The following GAL3ST3 variants were observed in gnomAD, a reference collection of about 807,000 sequenced individuals.
GAL3ST3 encodes the protein beta-galactose-3-O-sulfotransferase 3.
GAL3ST3 carries 21 observed loss-of-function variants against 20.8 expected under a neutral mutation model. The observed-to-expected ratio is 1.01, with a 90% CI of 0.72 to 1.45. GAL3ST3 has a LOEUF of 1.45. Ranked by LOEUF, GAL3ST3 falls within the 40% of genes most tolerant of loss-of-function variation. GAL3ST3 has a pLI of 0.00. For synonymous variants in GAL3ST3, 355 were observed against 307.2 expected (o/e 1.16, Z -1.63); for missense variants, 739 against 662.7 (o/e 1.12, Z -1.26).
Position 66,042,827 on chromosome 11 carries a change from C to G in GAL3ST3, c.976G>C (p.Glu326Gln), listed in dbSNP as rs1344824894. 36 of 1,369,834 alleles carry G rather than the reference C, an allele frequency of 2.6e-5. No homozygotes were observed. The highest frequency in any genetic ancestry group is 3.1e-5 in the African/African-American group (2 of 63,850). The allele number at this position is 1,369,834 out of a possible 1,614,324, so 84.9% of individuals were successfully genotyped here. ...CGCCGCAGTAGGCGCTGGCGGGCCT[C>G]GCGCAGCTCGCGCGCCTCGCGCTCC... is the stretch of plus-strand genomic sequence containing the variant. ...CVEREARELREARQRLLRRCF... is the reference protein window; with the variant it reads ...CVEREARELRQARQRLLRRCF... Residue 326 changes from glutamate (E) to glutamine (Q), a missense_variant, in exon 3 of 3, where the codon GAG (glutamate) becomes CAG (glutamine). By Grantham distance (29) the Glu-to-Gln change is conservative. Transcript: ENST00000312006.
chr11:66,043,784 G>T, intron 2 of GAL3ST3, 107 bp from the exon 3 acceptor site: 1 of 1,015,398 alleles, frequency 9.8e-7, no homozygotes, highest in Non-Finnish European at 1.4e-6. Flanking sequence ...GCCCCGCCTG[G>T]GCTGCACTCA....
At chr11:66,047,231 T>A (rs1565082197) in intron 1 of GAL3ST3, among the ~76,000 whole-genome samples, 1 of 152,180 alleles carries the variant, frequency 6.6e-6, no homozygotes, top group African/African-American at 2.4e-5. Flanking sequence ...CCTCTAAGGA[T>A]ACACACCTTT....
In GAL3ST3 at chr11:66,043,140, G is replaced by T; in HGVS notation, c.663C>A (p.Ala221=). The change falls in exon 3 of 3, where the codon GCC becomes GCA. Residue 221 remains alanine, a synonymous_variant. Coordinates refer to ENST00000312006, the MANE Select transcript of GAL3ST3 (RefSeq NM_033036.3). ...GDNERSPRDD[A]AYLAGLIRQV... ...GGCGGATGAGGCCCGCCAGGTAGGCGGCGTCGTCGCGCGGGCTGCGCTCAT... is the reference window on the plus strand; with the variant it reads ...GGCGGATGAGGCCCGCCAGGTAGGCTGCGTCGTCGCGCGGGCTGCGCTCAT... The T allele has an allele frequency of 6.2e-7, 1 of 1,611,658 alleles. No homozygotes were observed. Among genetic ancestry groups the T allele is most frequent in the Non-Finnish European group, 8.5e-7 (1 of 1,179,260 alleles).
At position 66,042,493 on chromosome 11, in the gene GAL3ST3, G is replaced by A. The variant is rs1856715723; in HGVS notation, c.*14C>T. ...GGGCAGGGCAGGACCCATACTCCTGGAGGCCTGCGGAGCTCAGGGACCTTG... is the reference window on the plus strand; with the variant it reads ...GGGCAGGGCAGGACCCATACTCCTGAAGGCCTGCGGAGCTCAGGGACCTTG... On this transcript the variant is annotated 3_prime_UTR_variant, in exon 3 of 3. Transcript: ENST00000312006. 1 of 1,452,704 alleles carries A rather than the reference G, an allele frequency of 6.9e-7. No individual in the cohort carries two copies. Among genetic ancestry groups the A allele is most frequent in the South Asian group, 1.4e-5 (1 of 69,646 alleles). 90.0% of individuals were successfully genotyped at this position (1,452,704 alleles called of 1,614,324 possible).
At position 66,043,363 on chromosome 11, in the gene GAL3ST3, T is replaced by A. The variant is rs200319398; in HGVS notation, c.440A>T (p.Tyr147Phe). The stretch of plus-strand genomic sequence containing the variant: ...GGCCGGCTCGCGCAGGATGGTGACA[T>A]AGACGGTGCTGGGCGGCATGAGGCG... ...LERLMPPSTV[Y>F]VTILREPAAM... The change falls in exon 3 of 3, where the codon TAT becomes TTT. Residue 147 changes from tyrosine to phenylalanine, a missense_variant. Physicochemically the swap from Tyr to Phe is conservative, Grantham distance 22 (BLOSUM62 3). Transcript: ENST00000312006. 1 of 1,610,152 alleles carries A rather than the reference T, an allele frequency of 6.2e-7. No individual in the cohort carries two copies. Among genetic ancestry groups the A allele is most frequent in the Non-Finnish European group, 8.5e-7 (1 of 1,178,616 alleles).
Position 66,045,446 on chromosome 11 carries a change from G to A in GAL3ST3, c.-31C>T. 1.3e-6 allele frequency: 2 copies of A among 1,560,136 alleles called. No individual in the cohort carries two copies. Among genetic ancestry groups the A allele is most frequent in the Non-Finnish European group, 1.7e-6 (2 of 1,152,798 alleles). Reference sequence around the variant, plus strand: ...AGTACCCACCCCTGGACCAGCCAGGGCCTCACTATCCAGGACTCCCTTCAC... The same window carrying A: ...AGTACCCACCCCTGGACCAGCCAGGACCTCACTATCCAGGACTCCCTTCAC... On this transcript the variant is annotated 5_prime_UTR_variant, in exon 2 of 3. Coordinates refer to ENST00000312006, the MANE Select transcript of GAL3ST3 (RefSeq NM_033036.3).
In GAL3ST3 at chr11:66,045,285, C is replaced by T. The variant is rs1856769834; in HGVS notation, c.125+6G>A. 2 of 1,550,624 alleles carry T rather than the reference C, an allele frequency of 1.3e-6. No individual in the cohort carries two copies. The highest frequency in any genetic ancestry group is 1.7e-6 in the Non-Finnish European group (2 of 1,148,088). On this transcript the variant is annotated splice_donor_region_variant and intron_variant, in intron 2 of 2. Transcript: ENST00000312006. The stretch of plus-strand genomic sequence containing the variant: ...CTCCGGCCCCCCTGGGGCCCCGCCC[C>T]CTTACCAGCTGAGCTGCGCCCCCTG...
chr11:66,043,756 G>T, intron 2 of GAL3ST3, 79 bp from the exon 3 acceptor site: 1 of 1,334,616 alleles, frequency 7.5e-7, no homozygotes, highest in East Asian at 2.5e-5. Flanking sequence ...CAAGGACTGT[G>T]GGATGCCCCA....
In GAL3ST3 at chr11:66,042,775, C is replaced by A. The variant is rs1253031284; in HGVS notation, c.1028G>T (p.Arg343Leu). 3.3e-6 allele frequency: 5 copies of A among 1,507,562 alleles called. No individual in the cohort carries two copies. The highest frequency in any genetic ancestry group is 2.6e-5 in the East Asian group (1 of 38,914). The allele number at this position is 1,507,562 out of a possible 1,614,324, so 93.4% of individuals were successfully genotyped here. ...RRCFGDEPLLRPAAQIRTKQL... is the reference protein window; with the variant it reads ...RRCFGDEPLLLPAAQIRTKQL... ...CTTGGTGCGGATCTGCGCGGCAGGC[C>A]GCAGCAGTGGCTCGTCCCCGAAGCA... The change falls in exon 3 of 3, where the codon CGG (arginine) becomes CTG (leucine). Residue 343 changes from arginine to leucine, a missense_variant. By Grantham distance (102) the Arg-to-Leu change is moderately radical. Transcript: ENST00000312006.
intron 1 of GAL3ST3, among the ~76,000 whole-genome samples, chr11:66,047,798 T>A (rs1856797535): frequency 6.6e-6 from 1 of 152,202 alleles, no homozygotes; most frequent in African/African-American, 2.4e-5. Flanking sequence ...CTCTTGGTAG[T>A]GCTGCCCTCC....
chr11:66,043,404 G>T lies in GAL3ST3; in HGVS notation c.399C>A (p.Asp133Glu). ...GCATGAGGCGCTCCAGCTCCGCACG[G>T]TCGAAGCGCAGGTGGCTGGCCAGCA... ...PHVLASHLRFDRAELERLMPP... is the reference protein window; with the variant it reads ...PHVLASHLRFERAELERLMPP... Residue 133 changes from aspartate to glutamate, a missense_variant, in exon 3 of 3, where the codon GAC (aspartate) becomes GAA (glutamate). Coordinates refer to ENST00000312006, the MANE Select transcript of GAL3ST3 (RefSeq NM_033036.3). 6.2e-7 allele frequency: 1 copy of T among 1,610,124 alleles called. No homozygotes were observed. The highest frequency in any genetic ancestry group is 8.5e-7 in the Non-Finnish European group (1 of 1,178,580).
chr11:66,041,454 A>G lies in GAL3ST3; in HGVS notation c.*1053T>C, dbSNP rs764742265. On this transcript the variant is annotated 3_prime_UTR_variant, in exon 3 of 3. Coordinates refer to ENST00000312006, the MANE Select transcript of GAL3ST3 (RefSeq NM_033036.3). ...AGGGACTGGTCTTCATCTGAGTCCA[A>G]GTTGTCTTCTTGTGAGGAAAGCAGG... Among the ~76,000 whole-genome samples, 11 of 152,182 alleles carry G rather than the reference A, an allele frequency of 7.2e-5. No homozygotes were observed. Among genetic ancestry groups the G allele is most frequent in the Non-Finnish European group, 1.0e-4 (7 of 68,024 alleles).
At position 66,043,629 on chromosome 11, in the gene GAL3ST3, C is replaced by T. The variant is rs147282818; in HGVS notation, c.174G>A (p.Pro58=). 0.015 allele frequency: 24,108 copies of T among 1,611,762 alleles called. 240 individuals carry two copies. Among genetic ancestry groups the T allele is most frequent in the Middle Eastern group, 0.031 (190 of 6,060 alleles). Residue 58 remains proline, a synonymous_variant, in exon 3 of 3, where the codon CCG becomes CCA. Transcript: ENST00000312006. ...CCACAGTCATGTGCTTGGGGCGCGG[C>T]GGCGAGTTCCGCAGAGGAGGGCAGC... ...PLSCPPLRNS[P]PRPKHMTVAF... is the part of the protein sequence containing the mutation.
Position 66,043,694 on chromosome 11 carries a change from G to C in GAL3ST3, c.126-17C>G, listed in dbSNP as rs772235797. On this transcript the variant is annotated splice_polypyrimidine_tract_variant and intron_variant, in intron 2 of 2. Coordinates refer to ENST00000312006, the MANE Select transcript of GAL3ST3 (RefSeq NM_033036.3). Reference sequence around the variant, plus strand: ...TTGGGGTACCTGCCAGGCCCAGGGAGTGTGCGGAGAGGAGGGTGTGAGGGG... The same window carrying C: ...TTGGGGTACCTGCCAGGCCCAGGGACTGTGCGGAGAGGAGGGTGTGAGGGG... 1.4e-5 allele frequency: 22 copies of C among 1,583,752 alleles called. No individual in the cohort carries two copies. The highest frequency in any genetic ancestry group is 1.9e-5 in the Non-Finnish European group (22 of 1,162,792).
rs769780407 is a variant in GAL3ST3, at chr11:66,043,399, G to A, written c.404C>T (p.Ala135Val). The A allele has an allele frequency of 1.2e-5, 19 of 1,609,772 alleles. No individual in the cohort carries two copies. In the South Asian group the frequency reaches 1.5e-4, roughly 13 times the overall value. Residue 135 changes from alanine (A) to valine (V), a missense_variant, in exon 3 of 3, where the codon GCG becomes GTG. Coordinates refer to ENST00000312006, the MANE Select transcript of GAL3ST3 (RefSeq NM_033036.3). The stretch of plus-strand genomic sequence containing the variant: ...GGGCGGCATGAGGCGCTCCAGCTCC[G>A]CACGGTCGAAGCGCAGGTGGCTGGC... ...VLASHLRFDR[A>V]ELERLMPPST...
intron 1 of GAL3ST3, among the ~76,000 whole-genome samples, chr11:66,047,875 C>T (rs1856798199): frequency 6.6e-6 from 1 of 152,210 alleles, no homozygotes; most frequent in African/African-American, 2.4e-5. Context: ...ACCCTGTCTC[C>T]TCTGGGTGGG....
chr11:66,042,557 G>A lies in GAL3ST3; in HGVS notation c.1246C>T (p.Pro416Ser), dbSNP rs1170267686. ...RARPEPVLDN[P>S]PPRPIRVLPR... ...AGCACTCGGATGGGCCGAGGCGGGG[G>A]ATTGTCCAGGACGGGCTCGGGCCGA... The change falls in exon 3 of 3, where the codon CCC becomes TCC. Residue 416 changes from proline (P) to serine (S), a missense_variant. Transcript: ENST00000312006. 2 of 1,521,968 alleles carry A rather than the reference G, an allele frequency of 1.3e-6. No homozygotes were observed. The highest frequency in any genetic ancestry group is 1.4e-5 in the African/African-American group (1 of 71,870). The allele number at this position is 1,521,968 out of a possible 1,614,324, so 94.3% of individuals were successfully genotyped here. A position where few individuals can be genotyped will look rare whatever the true frequency, so the allele number is the denominator to read the frequency against.
intron 2 of GAL3ST3, 55 bp from the exon 3 acceptor site, chr11:66,043,732 C>T: frequency 6.8e-7 from 1 of 1,479,484 alleles, no homozygotes; most frequent in South Asian, 1.3e-5. Flanking sequence ...TGCCGCTTGA[C>T]CCCTGCCCTT....
chr11:66,044,194 A>T (rs1258617271), intron 2 of GAL3ST3, among the ~76,000 whole-genome samples: 2 of 152,186 alleles, frequency 1.3e-5, no homozygotes, highest in Non-Finnish European at 2.9e-5. Flanking sequence ...CCTTCCAATC[A>T]AGCCTTCGGA....
Sources: gnomAD v4.1 joint callset for allele counts (sites outside exome capture counted in the v4.1 genomes callset) on GRCh38, gnomAD v4.1.1 for gene constraint, MANE v1.5 for transcripts, NCBI Gene and HGNC (gene_info 2026-07-23, HGNC 2026-07-21) for gene names.